The following ARHGEF10L variants were observed in gnomAD, a reference collection of about 807,000 sequenced individuals.
The protein encoded by ARHGEF10L is rho guanine nucleotide exchange factor 10-like protein.
ARHGEF10L carries 69 observed loss-of-function variants against 141.2 expected under a neutral mutation model. The observed-to-expected ratio is 0.49, with a 90% CI of 0.40 to 0.60. The LOEUF is 0.60. ARHGEF10L is among the 20% of genes least tolerant of loss of function. The pLI, the probability that ARHGEF10L is intolerant of heterozygous loss-of-function variation, is 0.00. For synonymous variants in ARHGEF10L, 711 were observed against 718.5 expected, an observed-to-expected ratio of 0.99 and a Z score of 0.17; for missense variants, 1,482 against 1,734.3, an observed-to-expected ratio of 0.85 and a Z score of 2.58.
upstream of ARHGEF10L, among the ~76,000 whole-genome samples, chr1:17,536,188 G>A (rs1461075849): frequency 6.6e-6 from 1 of 152,208 alleles, no homozygotes; most frequent in African/African-American, 2.4e-5. Flanking sequence ...AGCTTAGAGT[G>A]TGCAGCTGGG....
intron 21 of ARHGEF10L, among the ~76,000 whole-genome samples, chr1:17,642,153 G>A (rs1309860689): frequency 6.6e-6 from 1 of 152,124 alleles, no homozygotes; most frequent in African/African-American, 2.4e-5. Flanking sequence ...GGGGCAGGCA[G>A]GTGGACATTA....
rs755899050 is a variant in ARHGEF10L at position 17,624,426 on chromosome 1, G to A, written c.1240G>A (p.Val414Met). The A allele has an allele frequency of 8.7e-6, 14 of 1,614,174 alleles. No individual in the cohort carries two copies. Among genetic ancestry groups the A allele is most frequent in the Non-Finnish European group, 1.1e-5 (13 of 1,180,022 alleles). The change falls in exon 13 of 29, where the codon GTG becomes ATG. Residue 414 changes from valine (V) to methionine (M), a missense_variant. Physicochemically the swap from Val to Met is conservative, Grantham distance 21 (BLOSUM62 1). Transcript: ENST00000361221. ...GGTGCTAGATGTGTACAGTGACTACGTGAACAACTTCACCAGTGCCATGTC... is the reference window on the plus strand; with the variant it reads ...GGTGCTAGATGTGTACAGTGACTACATGAACAACTTCACCAGTGCCATGTC... Reference protein sequence around the residue: ...SMVLDVYSDYVNNFTSAMSII... With the variant: ...SMVLDVYSDYMNNFTSAMSII...
In ARHGEF10L at chr1:17,673,984, T is replaced by C. The variant is rs934323949; in HGVS notation, c.3009+9389T>C. On this transcript the variant is annotated intron_variant, in intron 26 of 28. Transcript: ENST00000361221. The surrounding 1 kb of genome is among the most constrained non-coding windows in gnomAD (Gnocchi z 4.1). ...CTCTGATTCTGAAGCCCCCACCTGG[T>C]CTGCCGTCCTCTGCCCCATCAGCCC... 2.0e-5 allele frequency among the ~76,000 whole-genome samples: 3 copies of C among 152,102 alleles called. No homozygotes were observed. The highest frequency in any genetic ancestry group is 7.2e-5 in the African/African-American group (3 of 41,388).
intron 4 of ARHGEF10L, among the ~76,000 whole-genome samples, chr1:17,592,453 G>A (rs1260380338): frequency 2.6e-5 from 4 of 152,138 alleles, no homozygotes. Context: ...GGGGCCTGGA[G>A]CCAGGGGAAG....
intron 1 of ARHGEF10L, among the ~76,000 whole-genome samples, chr1:17,542,782 C>T (rs1038736245): frequency 9.9e-5 from 15 of 152,166 alleles, no homozygotes; most frequent in African/African-American, 3.6e-4. Flanking sequence ...GCTGAGCATA[C>T]AGCATTTAAG....
At chr1:17,694,222 T>C (rs1366299362) in intron 27 of ARHGEF10L, 1 of 152,502 alleles carries the variant, frequency 6.6e-6, no homozygotes, top group Non-Finnish European at 1.5e-5. Flanking sequence ...ACTGCCATTG[T>C]ATACATGGTC....
At position 17,582,561 on chromosome 1, in the gene ARHGEF10L, G is replaced by A. The variant is rs765706943; in HGVS notation, c.37+1929G>A. Reference sequence around the variant, plus strand: ...TCCTGCGCGTGTCTTCAGCACCCCCGGGGCACTTGGTGTTTGTTCTCTGTC... The same window carrying A: ...TCCTGCGCGTGTCTTCAGCACCCCCAGGGCACTTGGTGTTTGTTCTCTGTC... On this transcript the variant is annotated intron_variant, in intron 2 of 28. Transcript: ENST00000361221. Among the ~76,000 whole-genome samples the A allele has an allele frequency of 2.0e-4, 31 of 152,166 alleles. 1 individual carries two copies. Among genetic ancestry groups the A allele is most frequent in the South Asian group, 4.1e-4 (2 of 4,826 alleles).
intron 26 of ARHGEF10L, among the ~76,000 whole-genome samples, chr1:17,671,392 G>A (rs1038905738): frequency 6.6e-6 from 1 of 152,146 alleles, no homozygotes; most frequent in Non-Finnish European, 1.5e-5. Flanking sequence ...GTGGCCAGTG[G>A]GGATAGTCCC....
At chr1:17,583,714 T>C (rs1261618917) in intron 2 of ARHGEF10L, among the ~76,000 whole-genome samples, 1 of 151,902 alleles carries the variant, frequency 6.6e-6, no homozygotes, top group African/African-American at 2.4e-5. Flanking sequence ...CCACCCCCAC[T>C]CCCTGCCCAG....
chr1:17,695,366 C>T (rs1192447794), intron 28 of ARHGEF10L, 86 bp downstream of exon 28: 2 of 1,498,388 alleles, frequency 1.3e-6, no homozygotes, highest in Admixed American at 2.3e-5. Flanking sequence ...TGTATTATGC[C>T]CTCATTGGTA....
intron 21 of ARHGEF10L, among the ~76,000 whole-genome samples, chr1:17,641,935 C>A (rs183622086): frequency 1.3e-5 from 2 of 149,872 alleles, no homozygotes; most frequent in East Asian, 3.9e-4. Context: ...GAGCCAAGAT[C>A]GTGCCACTGT....
At chr1:17,634,017 C>T (rs1293755672) in intron 16 of ARHGEF10L, among the ~76,000 whole-genome samples, 1 of 152,180 alleles carries the variant, frequency 6.6e-6, no homozygotes, top group African/African-American at 2.4e-5. Flanking sequence ...GCCCCTGCCT[C>T]CGGGAGCTCA....
chr1:17,523,428 T>C, the ARHGEF10L span, among the ~76,000 whole-genome samples: 1 of 152,152 alleles, frequency 6.6e-6, no homozygotes, highest in African/African-American at 2.4e-5. Flanking sequence ...ACCCACCGTA[T>C]ACCAAGCTCT....
intron 6 of ARHGEF10L, among the ~76,000 whole-genome samples, chr1:17,606,134 C>T (rs1303732269): frequency 1.3e-5 from 2 of 152,126 alleles, no homozygotes; most frequent in Admixed American, 6.5e-5. Context: ...CAGCCGAGTG[C>T]GTGCTATGTG....
At chr1:17,626,549 A>G (rs1008822914) in intron 14 of ARHGEF10L, among the ~76,000 whole-genome samples, 1 of 152,138 alleles carries the variant, frequency 6.6e-6, no homozygotes, top group African/African-American at 2.4e-5. Context: ...CCGGTGGCAC[A>G]TTGCTATCCA....
At chr1:17,633,658 C>T (rs2060833935) in intron 16 of ARHGEF10L, among the ~76,000 whole-genome samples, 1 of 152,148 alleles carries the variant, frequency 6.6e-6, no homozygotes, top group Non-Finnish European at 1.5e-5. Context: ...CACCTCGACA[C>T]CACTTTAAAA....
Position 17,573,269 on chromosome 1 carries a change from A to T in ARHGEF10L, c.-43-7284A>T, listed in dbSNP as rs1262712124. On this transcript the variant is annotated intron_variant, in intron 1 of 28. Coordinates refer to ENST00000361221, the MANE Select transcript of ARHGEF10L (RefSeq NM_018125.4). The surrounding 1 kb of genome is among the most constrained non-coding windows in gnomAD (Gnocchi z 4.8). ...AAGTGGCGAGGGCCCAGCAGCGAGG[A>T]CGCCCAGCAGCTGGGAGGCGGGCAT... is the stretch of plus-strand genomic sequence containing the variant. 6.6e-6 allele frequency among the ~76,000 whole-genome samples: 1 copy of T among 152,104 alleles called. No individual in the cohort carries two copies. The highest frequency in any genetic ancestry group is 1.5e-5 in the Non-Finnish European group (1 of 68,016).
In ARHGEF10L at chr1:17,624,399, A is replaced by C. The variant is rs774626125; in HGVS notation, c.1213A>C (p.Met405Leu). The C allele has an allele frequency of 6.2e-6, 10 of 1,613,812 alleles. No individual in the cohort carries two copies. The highest frequency in any genetic ancestry group is 8.5e-6 in the Non-Finnish European group (10 of 1,179,874). ...DLFVASFSKS[M>L]VLDVYSDYVN... ...TGCCTTGTTTCAGTTTTCCAAGTCC[A>C]TGGTGCTAGATGTGTACAGTGACTA... The change falls in exon 13 of 29, where the codon ATG becomes CTG. Residue 405 changes from methionine (M) to leucine (L), a missense_variant. By Grantham distance (15) the Met-to-Leu change is conservative. This residue lies in a region of ARHGEF10L where 392 missense variants were observed against 542.1 expected (regional missense o/e 0.72). Transcript: ENST00000361221.
Position 17,619,399 on chromosome 1 carries a change from C to T in ARHGEF10L, c.896C>T (p.Pro299Leu), listed in dbSNP as rs1323148111. The change falls in exon 10 of 29, where the codon CCA becomes CTA. Residue 299 changes from proline to leucine, a missense_variant. Transcript: ENST00000361221. The surrounding 1 kb of genome is among the most constrained non-coding windows in gnomAD (Gnocchi z 5.0). ...GTCAGCGTTTCGGACATCAAGCCCC[C>T]AGCCCCAGAGCTGGGCCCCATGCCA... ...LEVSVSDIKPPAPELGPMPEG... is the reference protein window; with the variant it reads ...LEVSVSDIKPLAPELGPMPEG... 6.2e-7 allele frequency: 1 copy of T among 1,612,358 alleles called. No homozygotes were observed. The highest frequency in any genetic ancestry group is 1.7e-5 in the Admixed American group (1 of 59,912).
Sources: allele counts gnomAD v4.1 joint callset (sites outside exome capture counted in the v4.1 genomes callset), GRCh38; gene constraint gnomAD v4.1.1; regional missense constraint gnomAD v4.1.1; non-coding constraint Gnocchi (gnomAD v3.1); transcripts MANE v1.5; gene names NCBI Gene and HGNC (gene_info 2026-07-23, HGNC 2026-07-21).